Variants in SHB observed in about 807,000 individuals in gnomAD.
SHB encodes SH2 domain containing adaptor protein B, also known as SH2 domain-containing adapter protein B.
In SHB, 20 loss-of-function variants were observed where a neutral mutation model predicts 52.3. The ratio of observed to expected loss-of-function variants is 0.38; its 90% confidence interval spans 0.27 to 0.56. SHB has a LOEUF of 0.56. Ranked by LOEUF, SHB falls within the 20% of genes least tolerant of loss-of-function variation. The pLI, the probability that SHB is intolerant of heterozygous loss-of-function variation, is 0.71. For synonymous variants in SHB, 397 were observed against 316.5 expected, an observed-to-expected ratio of 1.25 and a Z score of -2.70; for missense variants, 825 against 723.3, an observed-to-expected ratio of 1.14 and a Z score of -1.61.
At chr9:38,005,601 A>T (rs967907465) in intron 2 of SHB, among the ~76,000 whole-genome samples, 32 of 152,206 alleles carry the variant, frequency 2.1e-4, no homozygotes, top group Non-Finnish European at 4.4e-4. Flanking sequence ...CAAAATGGAA[A>T]TCATCTCATC....
intron 3 of SHB, among the ~76,000 whole-genome samples, chr9:37,965,640 A>G (rs1820503056): frequency 6.7e-6 from 1 of 149,034 alleles, no homozygotes; most frequent in Admixed American, 6.8e-5. Flanking sequence ...GAGTGGCACG[A>G]TTTCGGCTGA....
intron 2 of SHB, among the ~76,000 whole-genome samples, chr9:37,993,364 A>G (rs1298711623): frequency 6.6e-6 from 1 of 152,236 alleles, no homozygotes; most frequent in African/African-American, 2.4e-5. Flanking sequence ...GAGACAGAAA[A>G]TATAACCTCA....
Position 38,043,796 on chromosome 9 carries a change from G to A in SHB, c.717+24133C>T, listed in dbSNP as rs1003852842. Among the ~76,000 whole-genome samples the A allele has an allele frequency of 3.9e-5, 6 of 152,272 alleles. No homozygotes were observed. In the South Asian group the frequency reaches 1.0e-3, roughly 26 times the overall value. The stretch of plus-strand genomic sequence containing the variant: ...CCCAGCTACTTGGGAGGCTGAGGCA[G>A]GAGAATGGCTTGAACCCGGGAGGTG... On this transcript the variant is annotated intron_variant, in intron 1 of 5. Coordinates refer to ENST00000377707, the MANE Select transcript of SHB (RefSeq NM_003028.3).
intron 1 of SHB, among the ~76,000 whole-genome samples, chr9:38,018,421 C>CAA (rs947871199): frequency 4.6e-5 from 7 of 150,922 alleles, no homozygotes; most frequent in African/African-American, 1.5e-4. Flanking sequence ...TAAGAATGTA[C>CAA]AAATCCTAAA....
At chr9:38,037,067 G>A (rs914681803) in intron 1 of SHB, among the ~76,000 whole-genome samples, 1 of 152,318 alleles carries the variant, frequency 6.6e-6, no homozygotes, top group South Asian at 2.1e-4. Flanking sequence ...CACGGGAGCT[G>A]GGGTAAAAGC....
At chr9:37,985,260 T>C (rs1035197712) in intron 2 of SHB, among the ~76,000 whole-genome samples, 16 of 152,254 alleles carry the variant, frequency 1.1e-4, no homozygotes, top group Non-Finnish European at 2.2e-4. Context: ...TCAGGGTGCC[T>C]GGGTTTGCTC....
intron 1 of SHB, 27 bp downstream of exon 1, chr9:38,067,902 T>A: frequency 6.9e-7 from 1 of 1,442,260 alleles, no homozygotes; most frequent in South Asian, 1.4e-5. Flanking sequence ...CTCTGGAACC[T>A]CGGGAAGAGG....
At chr9:37,936,056 A>G (rs1832366267) in intron 5 of SHB, among the ~76,000 whole-genome samples, 1 of 151,760 alleles carries the variant, frequency 6.6e-6, no homozygotes, top group Admixed American at 6.6e-5. Context: ...AAAAAAAAAA[A>G]AATACAACAA....
chr9:37,950,546 C>A (rs16934658), intron 4 of SHB, among the ~76,000 whole-genome samples: 18,925 of 152,178 alleles, frequency 0.12, 1,186 homozygotes, highest in African/African-American at 0.16. Flanking sequence ...ATGGTCTCTG[C>A]GCGGTAGTGG....
intron 5 of SHB, 89 bp from the exon 6 acceptor site, chr9:37,920,093 A>T: frequency 9.5e-7 from 1 of 1,050,112 alleles, no homozygotes. Context: ...GACAGAAGGG[A>T]TCCCAGCCAT....
rs1832174865 is a variant in SHB at position 37,921,107 on chromosome 9, G to C, written c.1347-1103C>G. On this transcript the variant is annotated intron_variant, in intron 5 of 5. Coordinates refer to ENST00000377707, the MANE Select transcript of SHB (RefSeq NM_003028.3). ...GCCCACTCAGTTCCACGCCTTTTAT[G>C]ATTCTACTGTGATTCTGCCACCAGA... 2.0e-5 allele frequency among the ~76,000 whole-genome samples: 3 copies of C among 152,140 alleles called. No individual in the cohort carries two copies. In the South Asian group the frequency reaches 6.2e-4, roughly 32 times the overall value.
chr9:37,925,799 G>A (rs1251511731), intron 5 of SHB, among the ~76,000 whole-genome samples: 1 of 152,202 alleles, frequency 6.6e-6, no homozygotes, highest in Non-Finnish European at 1.5e-5. Flanking sequence ...TACATTGTGC[G>A]AAGATTCCTG....
In SHB at chr9:38,043,196, T is replaced by C. The variant is rs371679885; in HGVS notation, c.717+24733A>G. ...ACACACTGCAACACCCTGTCTTGCT[T>C]TGCAGTGGAAGTCCTTGTGTCCAAT... is the stretch of plus-strand genomic sequence containing the variant. On this transcript the variant is annotated intron_variant, in intron 1 of 5. Coordinates refer to ENST00000377707, the MANE Select transcript of SHB (RefSeq NM_003028.3). Among the ~76,000 whole-genome samples, 15 of 152,328 alleles carry C rather than the reference T, an allele frequency of 9.8e-5. 1 individual carries two copies. The East Asian group carries it at 1.2e-3, about 12-fold the overall frequency.
intron 5 of SHB, among the ~76,000 whole-genome samples, chr9:37,925,197 C>T (rs1348396655): frequency 6.6e-6 from 1 of 152,240 alleles, no homozygotes; most frequent in Non-Finnish European, 1.5e-5. Context: ...AGGCCCCATG[C>T]ATCCTCCCCT....
At chr9:37,939,577 G>A (rs1418172349) in intron 5 of SHB, among the ~76,000 whole-genome samples, 4 of 152,208 alleles carry the variant, frequency 2.6e-5, no homozygotes, top group Admixed American at 2.6e-4. Flanking sequence ...GGGGAAAGGG[G>A]TCTGAGAAAT....
intron 2 of SHB, among the ~76,000 whole-genome samples, chr9:37,983,832 G>A (rs978761829): frequency 6.6e-6 from 1 of 152,234 alleles, no homozygotes; most frequent in Non-Finnish European, 1.5e-5. Flanking sequence ...AGGAAGGGCT[G>A]CATTACTGGA....
intron 1 of SHB, among the ~76,000 whole-genome samples, chr9:38,049,617 AAC>A (rs1427828139): frequency 6.7e-6 from 1 of 149,660 alleles, no homozygotes; most frequent in Non-Finnish European, 1.5e-5. Flanking sequence ...CAAAAAAACA[AAC>A]AAACAAAAAA....
chr9:38,045,618 A>C (rs942446495), intron 1 of SHB, among the ~76,000 whole-genome samples: 1 of 151,998 alleles, frequency 6.6e-6, no homozygotes, highest in Non-Finnish European at 1.5e-5. Flanking sequence ...CTCCAAAAAA[A>C]ACAAAGCCAC....
chr9:37,990,615 T>C (rs1820870265), intron 2 of SHB, among the ~76,000 whole-genome samples: 1 of 152,238 alleles, frequency 6.6e-6, no homozygotes. Flanking sequence ...AAATGCCCTT[T>C]TCAGAGGTAA....
Sources: allele counts gnomAD v4.1 joint callset (sites outside exome capture counted in the v4.1 genomes callset), GRCh38; gene constraint gnomAD v4.1.1; transcripts MANE v1.5; gene names NCBI Gene and HGNC (gene_info 2026-07-23, HGNC 2026-07-21).